ANKS1B: variants seen among roughly 807,000 people sequenced by gnomAD.
ANKS1B encodes ankyrin repeat and sterile alpha motif domain-containing protein 1B.
ANKS1B carries 36 observed loss-of-function variants against 148.3 expected under a neutral mutation model. The ratio of observed to expected loss-of-function variants is 0.24; its 90% confidence interval spans 0.19 to 0.32. The LOEUF is 0.32. ANKS1B is among the 10% of genes least tolerant of loss of function. The pLI is 1.00. For synonymous variants in ANKS1B, 542 were observed against 560.8 expected, an observed-to-expected ratio of 0.97 and a Z score of 0.47; for missense variants, 1,157 against 1,542.6, an observed-to-expected ratio of 0.75 and a Z score of 4.19.
chr12:99,226,361 G>A (rs1020804837), intron 14 of ANKS1B, among the ~76,000 whole-genome samples: 3 of 152,116 alleles, frequency 2.0e-5, no homozygotes, highest in Admixed American at 1.3e-4. Context: ...ACATTTGCTT[G>A]TGTTAAAATG....
intron 9 of ANKS1B, among the ~76,000 whole-genome samples, chr12:99,567,541 C>A (rs908645679): frequency 6.6e-6 from 1 of 152,028 alleles, no homozygotes; most frequent in Admixed American, 6.6e-5. Context: ...TCCAGTGGTG[C>A]TGAACAACCT....
chr12:99,946,017 A>C (rs1407681836), intron 1 of ANKS1B, among the ~76,000 whole-genome samples: 1 of 152,134 alleles, frequency 6.6e-6, no homozygotes, highest in Admixed American at 6.5e-5. Context: ...ATCTGGAGGG[A>C]GGCTGCCATG....
At chr12:99,626,611 T>A (rs1391501684) in intron 9 of ANKS1B, among the ~76,000 whole-genome samples, 1 of 152,126 alleles carries the variant, frequency 6.6e-6, no homozygotes, top group African/African-American at 2.4e-5. Context: ...ACCACCCCAA[T>A]CTTTTACCTC....
At chr12:99,649,238 A>G in intron 9 of ANKS1B, 1 of 1,366,960 alleles carries the variant, frequency 7.3e-7, no homozygotes, top group Non-Finnish European at 1.0e-6. Context: ...TAGGAAGAGA[A>G]AGGAGATCTT....
At chr12:99,769,048 T>C (rs2062953641) in intron 8 of ANKS1B, among the ~76,000 whole-genome samples, 1 of 151,714 alleles carries the variant, frequency 6.6e-6, no homozygotes, top group Non-Finnish European at 1.5e-5. Flanking sequence ...TCTACGCTAA[T>C]TTGTTATAGC....
chr12:99,401,935 C>G lies in ANKS1B; in HGVS notation c.1576-2124G>C, dbSNP rs2152600909. Among the ~76,000 whole-genome samples, 2 of 146,680 alleles carry G rather than the reference C, an allele frequency of 1.4e-5. 1 individual carries two copies. Among genetic ancestry groups the G allele is most frequent in the African/African-American group, 5.2e-5 (2 of 38,832 alleles). On this transcript the variant is annotated intron_variant, in intron 11 of 26. Coordinates refer to ENST00000683438, the MANE Select transcript of ANKS1B (RefSeq NM_001352186.2). ...TGGAACAAAACTGCACCCATTGCTC[C>G]CTCATTTAGTTATGGTCTATGACTG...
intron 19 of ANKS1B, among the ~76,000 whole-genome samples, chr12:98,827,378 G>A (rs1166999937): frequency 2.0e-5 from 3 of 152,194 alleles, no homozygotes; most frequent in Non-Finnish European, 4.4e-5. Flanking sequence ...ATGCATGCGT[G>A]CACAGGTGCT....
chr12:98,966,038 A>G (rs1444162138), intron 17 of ANKS1B, among the ~76,000 whole-genome samples: 1 of 152,260 alleles, frequency 6.6e-6, no homozygotes, highest in Non-Finnish European at 1.5e-5. Context: ...AAAAGCCAAA[A>G]TTGACAAATA....
chr12:99,083,683 T>C (rs2050624125), intron 16 of ANKS1B: 1 of 152,220 alleles, frequency 6.6e-6, no homozygotes, highest in Non-Finnish European at 1.5e-5. Context: ...TATATTTCAG[T>C]GGCATGAAGT....
chr12:98,748,637 A>T (rs1221973296), intron 26 of ANKS1B, among the ~76,000 whole-genome samples: 1 of 152,204 alleles, frequency 6.6e-6, no homozygotes, highest in Non-Finnish European at 1.5e-5. Flanking sequence ...GGGATCACTG[A>T]ATATTTCTTA....
rs145218752 is a variant in ANKS1B at position 99,285,494 on chromosome 12, G to A, written c.1757-38630C>T. ...AAAAAATATCTAGGTATAAATGACC[G>A]AGTCTAGAGAAGGTGAAGCAAAATG... is the stretch of plus-strand genomic sequence containing the variant. On this transcript the variant is annotated intron_variant, in intron 12 of 26. Coordinates refer to ENST00000683438, the MANE Select transcript of ANKS1B (RefSeq NM_001352186.2). 6.6e-3 allele frequency among the ~76,000 whole-genome samples: 1,012 copies of A among 152,220 alleles called. 9 individuals carry two copies. Among genetic ancestry groups the A allele is most frequent in the African/African-American group, 0.022 (916 of 41,506 alleles).
chr12:99,555,957 T>C (rs1415243784), intron 9 of ANKS1B, among the ~76,000 whole-genome samples: 2 of 152,212 alleles, frequency 1.3e-5, no homozygotes, highest in Non-Finnish European at 2.9e-5. Context: ...CAGAATGAGC[T>C]GGAGAGAAGT....
chr12:99,811,813 G>A (rs117807661), intron 3 of ANKS1B, among the ~76,000 whole-genome samples: 195 of 151,938 alleles, frequency 1.3e-3, no homozygotes, highest in Middle Eastern at 3.4e-3. Flanking sequence ...ATTCAAAATT[G>A]TATTAAGAAA....
chr12:99,484,105 C>G (rs1261186391), intron 10 of ANKS1B, among the ~76,000 whole-genome samples: 1 of 151,886 alleles, frequency 6.6e-6, no homozygotes, highest in Non-Finnish European at 1.5e-5. Flanking sequence ...AAAATTTGTG[C>G]CCTTCCAGTT....
chr12:99,173,440 T>TGA (rs1566550135), intron 14 of ANKS1B, among the ~76,000 whole-genome samples: 4 of 152,194 alleles, frequency 2.6e-5, no homozygotes, highest in African/African-American at 9.6e-5. Flanking sequence ...AATTTGACCC[T>TGA]CAATTCTGTG....
chr12:98,839,341 G>A (rs764538948), intron 17 of ANKS1B, among the ~76,000 whole-genome samples: 11 of 151,964 alleles, frequency 7.2e-5, no homozygotes, highest in Non-Finnish European at 1.0e-4. Flanking sequence ...CCATGTGAAC[G>A]TATGTGTGTG....
chr12:99,558,694 C>G (rs190673254), intron 9 of ANKS1B, among the ~76,000 whole-genome samples: 1 of 152,168 alleles, frequency 6.6e-6, no homozygotes, highest in Non-Finnish European at 1.5e-5. Flanking sequence ...GCTGGAGCCC[C>G]AGGAGAGGCC....
chr12:99,059,454 T>C (rs777728857), intron 16 of ANKS1B, among the ~76,000 whole-genome samples: 86 of 152,296 alleles, frequency 5.6e-4, no homozygotes, highest in Non-Finnish European at 1.0e-3. Context: ...TAAGGTTATC[T>C]TTTTCTGCCT....
At chr12:99,848,078 C>T (rs947931148) in intron 1 of ANKS1B, among the ~76,000 whole-genome samples, 1 of 151,980 alleles carries the variant, frequency 6.6e-6, no homozygotes, top group African/African-American at 2.4e-5. Flanking sequence ...CACAGTCTGG[C>T]CATCAATCAG....
Sources: allele counts gnomAD v4.1 joint callset (sites outside exome capture counted in the v4.1 genomes callset), GRCh38; gene constraint gnomAD v4.1.1; transcripts MANE v1.5; gene names NCBI Gene and HGNC (gene_info 2026-07-23, HGNC 2026-07-21).